ALG12: variants seen among roughly 807,000 people sequenced by gnomAD.
ALG12 encodes ALG12 alpha-1,6-mannosyltransferase.
In ALG12, 36 loss-of-function variants were observed where a neutral mutation model predicts 46.0. The observed-to-expected ratio is 0.78, with a 90% CI of 0.60 to 1.03. The LOEUF (loss-of-function observed/expected upper bound fraction) is 1.03. ALG12 is among the 50% of genes least tolerant of loss of function. The pLI, the probability that ALG12 is intolerant of heterozygous loss-of-function variation, is 0.00. For synonymous variants in ALG12, 326 were observed against 291.6 expected (o/e 1.12, Z -1.20); for missense variants, 599 against 633.5 (o/e 0.95, Z 0.58).
chr22:49,863,998 T>TG, the ALG12 span, among the ~76,000 whole-genome samples: 5 of 152,198 alleles, frequency 3.3e-5, no homozygotes, highest in Non-Finnish European at 5.9e-5. Flanking sequence ...ATATGTTCTG[T>TG]GCTCATCTTG....
chr22:49,867,457 ACT>A, the ALG12 span, among the ~76,000 whole-genome samples: 6 of 152,244 alleles, frequency 3.9e-5, no homozygotes, highest in Non-Finnish European at 8.8e-5. Flanking sequence ...GTTCTCGCTG[ACT>A]TTCTGTCTAG....
In ALG12 at chr22:49,901,704, GATGC is replaced by G. The variant is rs1478369377; in HGVS notation, c.*2130_*2133del. On this transcript the variant is annotated 3_prime_UTR_variant, in exon 10 of 10. Transcript: ENST00000330817. The stretch of plus-strand genomic sequence containing the variant: ...TGTGCGCATCTGTGCATTGTGTGTG[GATGC>G]ATGTGTGGTGTGTATGCATGGTGTG... The G allele has an allele frequency of 6.9e-6, 1 of 145,166 alleles. No individual in the cohort carries two copies. Among genetic ancestry groups the G allele is most frequent in the Non-Finnish European group, 1.5e-5 (1 of 67,088 alleles). 9.0% of individuals were successfully genotyped at this position (145,166 alleles called of 1,614,324 possible). A position where few individuals can be genotyped will look rare whatever the true frequency, so the allele number is the denominator to read the frequency against.
the ALG12 span, among the ~76,000 whole-genome samples, chr22:49,869,000 T>G: frequency 6.6e-6 from 1 of 150,946 alleles, no homozygotes; most frequent in African/African-American, 2.4e-5. Flanking sequence ...GGTGTATGCC[T>G]GTAATCCGAG....
the ALG12 span, among the ~76,000 whole-genome samples, chr22:49,873,451 C>CA: frequency 6.6e-6 from 1 of 152,068 alleles, no homozygotes; most frequent in Non-Finnish European, 1.5e-5. Flanking sequence ...TGTGGTGGCT[C>CA]ACGTTAATTA....
chr22:49,886,715 C>T, the ALG12 span: 10 of 1,613,190 alleles, frequency 6.2e-6, no homozygotes, highest in South Asian at 2.2e-5. This position sits in a 1 kb window ranked among gnomAD's most constrained non-coding sequence, Gnocchi z 7.7. Flanking sequence ...TCCCTGTTTA[C>T]GGAGGAGGAG....
chr22:49,906,284 T>C lies in ALG12; in HGVS notation c.992+1437A>G, dbSNP rs1335733054. ...ATCCATCCGCGCCGCTCTCCCCGTC[T>C]TTCCTACCCTCTTTTCCATGACTCT... On this transcript the variant is annotated intron_variant, in intron 7 of 9. Transcript: ENST00000330817. This position sits in a 1 kb window ranked among gnomAD's most constrained non-coding sequence, Gnocchi z 4.4. 1.3e-5 allele frequency among the ~76,000 whole-genome samples: 2 copies of C among 152,194 alleles called. No individual in the cohort carries two copies. The highest frequency in any genetic ancestry group is 3.8e-4 in the East Asian group (2 of 5,200).
the ALG12 span, chr22:49,886,383 G>A: frequency 6.2e-7 from 1 of 1,609,892 alleles, no homozygotes. This position sits in a 1 kb window ranked among gnomAD's most constrained non-coding sequence, Gnocchi z 7.7. Flanking sequence ...AGCAGAAAAG[G>A]GCCATTAACG....
At chr22:49,879,990 C>T in the ALG12 span, among the ~76,000 whole-genome samples, 18 of 151,314 alleles carry the variant, frequency 1.2e-4, no homozygotes, top group Admixed American at 6.6e-4. Flanking sequence ...CCCGCTTCAT[C>T]GCAGGTCTGG....
At chr22:49,859,367 GC>G in the ALG12 span, among the ~76,000 whole-genome samples, 2 of 152,042 alleles carry the variant, frequency 1.3e-5, no homozygotes, top group African/African-American at 2.4e-5. Context: ...ATCTAGTAAA[GC>G]CTTTTGTTTT....
intron 3 of ALG12, among the ~76,000 whole-genome samples, chr22:49,911,274 A>T (rs2060575059): frequency 6.6e-6 from 1 of 152,210 alleles, no homozygotes; most frequent in Non-Finnish European, 1.5e-5. Flanking sequence ...TGTGAGAAGC[A>T]ACTGGGTCCA....
chr22:49,893,211 A>T, the ALG12 span, among the ~76,000 whole-genome samples: 1 of 152,210 alleles, frequency 6.6e-6, no homozygotes, highest in East Asian at 1.9e-4. Context: ...AGCTGACGGG[A>T]GTCCCAGAAG....
the ALG12 span, among the ~76,000 whole-genome samples, chr22:49,873,280 C>G: frequency 6.6e-6 from 1 of 152,216 alleles, no homozygotes; most frequent in Non-Finnish European, 1.5e-5. Flanking sequence ...CTTCCTTTCA[C>G]TTGAACATGT....
Position 49,911,854 on chromosome 22 carries a change from C to T in ALG12, c.296-1247G>A, listed in dbSNP as rs184507994. On this transcript the variant is annotated intron_variant, in intron 3 of 9. Coordinates refer to ENST00000330817, the MANE Select transcript of ALG12 (RefSeq NM_024105.4). ...AACAATTCACAGACCCCAGCAAAGCCCCGCTTCCCCTTTTCCCCATCAGGT... is the reference window on the plus strand; with the variant it reads ...AACAATTCACAGACCCCAGCAAAGCTCCGCTTCCCCTTTTCCCCATCAGGT... Among the ~76,000 whole-genome samples, 15 of 152,330 alleles carry T rather than the reference C, an allele frequency of 9.8e-5. No homozygotes were observed. The East Asian group carries it at 2.9e-3, about 29-fold the overall frequency.
the ALG12 span, chr22:49,889,609 A>G: frequency 2.4e-5 from 4 of 167,192 alleles, no homozygotes; most frequent in African/African-American, 7.2e-5. Flanking sequence ...CCCTTCCTGA[A>G]TGACACTAGG....
At chr22:49,877,787 T>C in the ALG12 span, among the ~76,000 whole-genome samples, 1 of 152,094 alleles carries the variant, frequency 6.6e-6, no homozygotes, top group African/African-American at 2.4e-5. Flanking sequence ...CACACATCCC[T>C]CCTGACTGTG....
chr22:49,901,679 T>C lies in ALG12; in HGVS notation c.*2159A>G, dbSNP rs2060506901. ...ATGCATGTATGGTGTGTATGCATGG[T>C]GTGCGCATCTGTGCATTGTGTGTGG... is the stretch of plus-strand genomic sequence containing the variant. On this transcript the variant is annotated 3_prime_UTR_variant, in exon 10 of 10. Transcript: ENST00000330817. 6.8e-6 allele frequency: 1 copy of C among 147,500 alleles called. No individual in the cohort carries two copies. The highest frequency in any genetic ancestry group is 1.5e-5 in the Non-Finnish European group (1 of 67,618). The allele number at this position is 147,500 out of a possible 1,614,324, so 9.1% of individuals were successfully genotyped here.
intron 1 of ALG12, among the ~76,000 whole-genome samples, chr22:49,915,127 T>C (rs1213202028): frequency 1.3e-5 from 2 of 152,210 alleles, no homozygotes; most frequent in Non-Finnish European, 2.9e-5. Flanking sequence ...CTATTTGATA[T>C]GGTGGGCAGG....
At chr22:49,887,038 C>G in the ALG12 span, 1 of 1,614,152 alleles carries the variant, frequency 6.2e-7, no homozygotes, top group African/African-American at 1.3e-5. Flanking sequence ...GGGCTGCCCC[C>G]CAAGCATCGT....
chr22:49,871,760 T>TTTA, the ALG12 span, among the ~76,000 whole-genome samples: 10 of 128,698 alleles, frequency 7.8e-5, no homozygotes, highest in Middle Eastern at 3.5e-3. Flanking sequence ...TTTATTTATT[T>TTTA]TTTTTTTTTT....
Sources: gnomAD v4.1 joint callset for allele counts (sites outside exome capture counted in the v4.1 genomes callset) on GRCh38, gnomAD v4.1.1 for gene constraint, Gnocchi (gnomAD v3.1) non-coding constraint, MANE v1.5 for transcripts, NCBI Gene and HGNC (gene_info 2026-07-23, HGNC 2026-07-21) for gene names.